ADGRE2: variants seen among roughly 807,000 people sequenced by gnomAD.
ADGRE2 encodes CD97 antigen.
ADGRE2 carries 83 observed loss-of-function variants against 100.8 expected under a neutral mutation model. That is an observed-to-expected ratio of 0.82 (90% CI 0.69 to 0.99). The LOEUF (loss-of-function observed/expected upper bound fraction) is 0.99. ADGRE2 is among the 50% of genes least tolerant of loss of function. The pLI, the probability that ADGRE2 is intolerant of heterozygous loss-of-function variation, is 0.00. For missense variants in ADGRE2, 814 were observed against 1,035.7 expected, an observed-to-expected ratio of 0.79 and a Z score of 2.94; for synonymous variants, 355 against 413.0, an observed-to-expected ratio of 0.86 and a Z score of 1.70.
Position 14,735,006 on chromosome 19 carries a change from A to G in ADGRE2, c.*1230T>C, listed in dbSNP as rs1447705244. ...AAAGAGAAGGGAACTTGGAGCCGCC[A>G]TTTTGGACATGCCTAGTCTAGGTAG... On this transcript the variant is annotated 3_prime_UTR_variant, in exon 21 of 21. Coordinates refer to ENST00000315576, the MANE Select transcript of ADGRE2 (RefSeq NM_013447.4). The G allele has an allele frequency of 6.6e-6, 1 of 152,120 alleles. No homozygotes were observed. The highest frequency in any genetic ancestry group is 2.4e-5 in the African/African-American group (1 of 41,430). 9.4% of individuals were successfully genotyped at this position (152,120 alleles called of 1,614,324 possible).
intron 2 of ADGRE2, among the ~76,000 whole-genome samples, chr19:14,774,570 G>A (rs908147327): frequency 4.0e-5 from 6 of 151,272 alleles, no homozygotes; most frequent in Non-Finnish European, 5.9e-5. Context: ...GTGCAGTGAT[G>A]CGATTATAGC....
chr19:14,767,720 G>A (rs191705023), intron 5 of ADGRE2, among the ~76,000 whole-genome samples: 1 of 152,206 alleles, frequency 6.6e-6, no homozygotes, highest in East Asian at 1.9e-4. Context: ...GGTCAGGGTG[G>A]GATTTTCTTG....
intron 7 of ADGRE2, 45 bp downstream of exon 7, chr19:14,766,190 C>T (rs770224470): frequency 6.2e-7 from 1 of 1,613,872 alleles, no homozygotes; most frequent in South Asian, 1.1e-5. Flanking sequence ...AACATGTGAT[C>T]AGATGTTTGT....
Position 14,750,197 on chromosome 19 carries a change from ATAT to A in ADGRE2, c.2024+1236_2024+1238del, listed in dbSNP as rs60557841. ...TTATATAATTATTTATAGTTATATA[ATAT>A]TAATATATAAATTACATAGATATAT... On this transcript the variant is annotated intron_variant, in intron 16 of 20. Transcript: ENST00000315576. Among the ~76,000 whole-genome samples, 5 of 59,056 alleles carry A rather than the reference ATAT, an allele frequency of 8.5e-5. 2 individuals carry two copies. The highest frequency in any genetic ancestry group is 8.7e-4 in the South Asian group (1 of 1,146). The allele number at this position is 59,056 out of a possible 152,430, so 38.7% of individuals were successfully genotyped here. A position where few individuals can be genotyped will look rare whatever the true frequency, so the allele number is the denominator to read the frequency against.
intron 16 of ADGRE2, among the ~76,000 whole-genome samples, chr19:14,751,117 TTAATTATTA>T (rs1429273100): frequency 6.6e-6 from 1 of 152,174 alleles, no homozygotes; most frequent in Non-Finnish European, 1.5e-5. Context: ...CTGACCCTCC[TTAATTATTA>T]TAATCTTCTA....
rs200571585 is a variant in ADGRE2, at chr19:14,774,023, C to T, written c.114G>A (p.Ser38=). ...GCARWCPQDS[S]CVNATACRCN... is the part of the protein sequence containing the mutation. ...AGCGACAGGCGGTGGCATTGACACACGAGGAGTCCTGAGGGCACCACCGGG... is the reference window on the plus strand; with the variant it reads ...AGCGACAGGCGGTGGCATTGACACATGAGGAGTCCTGAGGGCACCACCGGG... Residue 38 remains serine (S), a synonymous_variant, in exon 4 of 21, where the codon TCG becomes TCA. Transcript: ENST00000315576. 8.7e-6 allele frequency: 14 copies of T among 1,613,824 alleles called. No individual in the cohort carries two copies. The highest frequency in any genetic ancestry group is 4.5e-5 in the East Asian group (2 of 44,842).
In ADGRE2 at chr19:14,763,685, C is replaced by T. The variant is rs866833819; in HGVS notation, c.1084+748G>A. The stretch of plus-strand genomic sequence containing the variant: ...CTCCTCCTCCTCTCCTCCTTCTCTT[C>T]TCCTCCTCTTCTCCTTCTCCTCCTC... On this transcript the variant is annotated intron_variant, in intron 11 of 20. Coordinates refer to ENST00000315576, the MANE Select transcript of ADGRE2 (RefSeq NM_013447.4). 2.7e-3 allele frequency among the ~76,000 whole-genome samples: 339 copies of T among 124,008 alleles called. 2 individuals are homozygous for T. Among genetic ancestry groups the T allele is most frequent in the African/African-American group, 8.0e-3 (263 of 32,822 alleles). 81.4% of individuals were successfully genotyped at this position (124,008 alleles called of 152,430 possible).
rs965657724 is a variant in ADGRE2 at position 14,733,456 on chromosome 19, C to A, written c.*2780G>T. On this transcript the variant is annotated 3_prime_UTR_variant, in exon 21 of 21. Transcript: ENST00000315576. ...CAATGGGCCCCAGTAAAACAGTGGGCCTTAATAAGCACATTCCTTTCCCTC... is the reference window on the plus strand; with the variant it reads ...CAATGGGCCCCAGTAAAACAGTGGGACTTAATAAGCACATTCCTTTCCCTC... The A allele has an allele frequency of 1.3e-5, 2 of 152,104 alleles. No individual in the cohort carries two copies. Among genetic ancestry groups the A allele is most frequent in the African/African-American group, 2.4e-5 (1 of 41,402 alleles). The allele number at this position is 152,104 out of a possible 1,614,324, so 9.4% of individuals were successfully genotyped here.
chr19:14,738,820 T>A (rs894944359), intron 20 of ADGRE2, among the ~76,000 whole-genome samples: 1 of 152,212 alleles, frequency 6.6e-6, no homozygotes, highest in Non-Finnish European at 1.5e-5. Context: ...ATAATTAATA[T>A]GTGCTCAAGA....
the ADGRE2 span, among the ~76,000 whole-genome samples, chr19:14,726,715 G>C: frequency 2.0e-5 from 3 of 152,252 alleles, no homozygotes; most frequent in Admixed American, 6.5e-5. Flanking sequence ...CAGGTCCTTT[G>C]CCAGGGAATA....
rs1354082692 is a variant in ADGRE2, at chr19:14,732,625, T to C, written c.*3611A>G. The C allele has an allele frequency of 6.6e-6, 1 of 152,240 alleles. No individual in the cohort carries two copies. Among genetic ancestry groups the C allele is most frequent in the Non-Finnish European group, 1.5e-5 (1 of 68,050 alleles). The allele number at this position is 152,240 out of a possible 1,614,324, so 9.4% of individuals were successfully genotyped here. A position where few individuals can be genotyped will look rare whatever the true frequency, so the allele number is the denominator to read the frequency against. On this transcript the variant is annotated 3_prime_UTR_variant, in exon 21 of 21. Coordinates refer to ENST00000315576, the MANE Select transcript of ADGRE2 (RefSeq NM_013447.4). Reference sequence around the variant, plus strand: ...TTTCTGTACAGCTAAGAATAGTTTTTACATTTTTCAAATGGGTGAAAACAA... The same window carrying C: ...TTTCTGTACAGCTAAGAATAGTTTTCACATTTTTCAAATGGGTGAAAACAA...
At chr19:14,765,239 C>T (rs1479590166) in intron 10 of ADGRE2, 81 bp downstream of exon 10, 5 of 1,512,082 alleles carry the variant, frequency 3.3e-6, no homozygotes, top group Non-Finnish European at 4.6e-6. Context: ...CCTGTCCCCT[C>T]CCAGACCCAA....
At chr19:14,768,444 G>A (rs2044072420) in intron 5 of ADGRE2, among the ~76,000 whole-genome samples, 1 of 152,222 alleles carries the variant, frequency 6.6e-6, no homozygotes, top group Admixed American at 6.5e-5. Flanking sequence ...TTTAGTGGCT[G>A]GAGAGGGGCA....
intron 17 of ADGRE2, among the ~76,000 whole-genome samples, chr19:14,746,688 G>T (rs2043103395): frequency 6.6e-6 from 1 of 152,104 alleles, no homozygotes; most frequent in Non-Finnish European, 1.5e-5. Flanking sequence ...CTTCATCCTA[G>T]CCTGTCTAAT....
At position 14,774,313 on chromosome 19, in the gene ADGRE2, C is replaced by A; in HGVS notation, c.32-7G>T. 6.4e-7 allele frequency: 1 copy of A among 1,563,716 alleles called. No homozygotes were observed. The highest frequency in any genetic ancestry group is 8.7e-7 in the Non-Finnish European group (1 of 1,148,832). ...GTCAGCCAGACACAGAATGCTGCAA[C>A]AGAGAAAGGAAAGGGGGTCAGAGGG... On this transcript the variant is annotated splice_polypyrimidine_tract_variant and splice_region_variant and intron_variant, in intron 2 of 20. Coordinates refer to ENST00000315576, the MANE Select transcript of ADGRE2 (RefSeq NM_013447.4).
chr19:14,755,799 T>C lies in ADGRE2; in HGVS notation c.1271A>G (p.Glu424Gly), dbSNP rs186366193. 6 of 1,614,172 alleles carry C rather than the reference T, an allele frequency of 3.7e-6. No individual in the cohort carries two copies. In the African/African-American group the frequency reaches 5.3e-5, roughly 14 times the overall value. ...LAEAPLVLEP[E>G]KQMLLHETHQ... ...TGTCTCATGCAGAAGCATCTGCTTCTCAGGTTCCAGGACCAGAGGGGCCTC... is the reference window on the plus strand; with the variant it reads ...TGTCTCATGCAGAAGCATCTGCTTCCCAGGTTCCAGGACCAGAGGGGCCTC... Residue 424 changes from glutamate to glycine, a missense_variant, in exon 13 of 21, where the codon GAG becomes GGG. Around this residue, in one of 5 missense-constraint regions of ADGRE2, gnomAD observed 569 missense variants for 692.7 expected, o/e 0.82. Transcript: ENST00000315576.
At chr19:14,724,942 A>G in the ADGRE2 span, among the ~76,000 whole-genome samples, 1 of 152,120 alleles carries the variant, frequency 6.6e-6, no homozygotes, top group East Asian at 1.9e-4. Context: ...TTAGGGAGAG[A>G]TGTACTGTGT....
At chr19:14,772,248 A>G (rs2044237493) in intron 5 of ADGRE2, 94 bp downstream of exon 5, 106 of 1,550,004 alleles carry the variant, frequency 6.8e-5, no homozygotes, top group Non-Finnish European at 9.4e-5. Flanking sequence ...CTGAACCTAT[A>G]CTTGGGTACC....
At chr19:14,776,975 T>TGC (rs1555791125) in intron 1 of ADGRE2, 48 bp from the exon 2 acceptor site, 11,365 of 633,010 alleles carry the variant, frequency 0.018, 299 homozygotes, top group Non-Finnish European at 0.021. Flanking sequence ...CCAGGGGCGC[T>TGC]GCACACACAC....
Sources: allele counts gnomAD v4.1 joint callset (sites outside exome capture counted in the v4.1 genomes callset), GRCh38; gene constraint gnomAD v4.1.1; regional missense constraint gnomAD v4.1.1; transcripts MANE v1.5; gene names NCBI Gene and HGNC (gene_info 2026-07-23, HGNC 2026-07-21).